COL14A1: variants seen among roughly 807,000 people sequenced by gnomAD.
COL14A1 encodes collagen alpha-1(XIV) chain.
COL14A1 carries 136 observed loss-of-function variants against 230.3 expected under a neutral mutation model. The observed-to-expected ratio is 0.59, with a 90% CI of 0.51 to 0.68. The LOEUF (loss-of-function observed/expected upper bound fraction) is 0.68, where lower values mean the gene tolerates loss of function less well. COL14A1 is among the 30% of genes least tolerant of loss of function. COL14A1 has a pLI of 0.00. For missense variants in COL14A1, 1,976 were observed against 2,215.8 expected, an observed-to-expected ratio of 0.89 and a Z score of 2.17; for synonymous variants, 792 against 784.1, an observed-to-expected ratio of 1.01 and a Z score of -0.17.
In COL14A1 at chr8:120,196,767, G is replaced by A. The variant is rs113064195; in HGVS notation, c.437-24G>A. The A allele has an allele frequency of 1.7e-5, 28 of 1,609,216 alleles. No homozygotes were observed. The East Asian group carries it at 3.1e-4, about 18-fold the overall frequency. ...AAGTTGCTCTGACAGTAACACATGC[G>A]CTTTTCTGGTTTGTGCTTTGCAGAA... On this transcript the variant is annotated intron_variant, in intron 5 of 47. Transcript: ENST00000297848.
At position 120,200,841 on chromosome 8, in the gene COL14A1, T is replaced by A. The variant is rs577285725; in HGVS notation, c.877+1275T>A. ...TACTAGTATGTAGCCAAGTACAGTC[T>A]AAGAACAGCTGCAGAAGCTGTGGAA... On this transcript the variant is annotated intron_variant, in intron 8 of 47. Coordinates refer to ENST00000297848, the MANE Select transcript of COL14A1 (RefSeq NM_021110.4). 2.0e-5 allele frequency among the ~76,000 whole-genome samples: 3 copies of A among 148,964 alleles called. No homozygotes were observed. The South Asian group carries it at 6.4e-4, about 32-fold the overall frequency.
At chr8:120,173,038 G>C (rs1452139832) in intron 5 of COL14A1, among the ~76,000 whole-genome samples, 2 of 152,150 alleles carry the variant, frequency 1.3e-5, no homozygotes, top group African/African-American at 4.8e-5. Flanking sequence ...AGTGTCTACT[G>C]ATTCTTGCCT....
Position 120,367,152 on chromosome 8 carries a change from TA to T in COL14A1, c.5078-14del. 6.4e-7 allele frequency: 1 copy of T among 1,555,656 alleles called. No homozygotes were observed. The highest frequency in any genetic ancestry group is 8.7e-7 in the Non-Finnish European group (1 of 1,155,620). ...TTTTAAAAAGAACTTTAAACATTTT[TA>T]AAAATTATTTTAAACAGGTCTAACT... is the stretch of plus-strand genomic sequence containing the variant. On this transcript the variant is annotated intron_variant, in intron 45 of 47. Transcript: ENST00000297848.
chr8:120,335,249 A>G (rs1309144543), intron 42 of COL14A1, among the ~76,000 whole-genome samples: 1 of 152,202 alleles, frequency 6.6e-6, no homozygotes, highest in Non-Finnish European at 1.5e-5. Context: ...CTCTAAATAT[A>G]GTATCTACAT....
rs532259702 is a variant in COL14A1 at position 120,178,072 on chromosome 8, G to GT, written c.436+9836dup. Among the ~76,000 whole-genome samples, 217 of 150,234 alleles carry GT rather than the reference G, an allele frequency of 1.4e-3. 3 individuals are homozygous for GT. The East Asian group carries it at 0.017, about 12-fold the overall frequency. ...TTCTCTGGAGTATTAAATAAAACCT[G>GT]TTTTTTTTTTTGTTTGTTTGTTTTT... On this transcript the variant is annotated intron_variant, in intron 5 of 47. Coordinates refer to ENST00000297848, the MANE Select transcript of COL14A1 (RefSeq NM_021110.4).
intron 9 of COL14A1, 52 bp downstream of exon 9, chr8:120,203,922 G>A: frequency 6.5e-7 from 1 of 1,533,560 alleles, no homozygotes; most frequent in Non-Finnish European, 8.9e-7. Flanking sequence ...TGGTGCACAA[G>A]CCTATTGTGA....
chr8:120,163,744 C>T (rs1031041711), intron 4 of COL14A1, among the ~76,000 whole-genome samples: 1 of 152,064 alleles, frequency 6.6e-6, no homozygotes, highest in Admixed American at 6.6e-5. Context: ...GCCTGGGCAA[C>T]AAGAGCAAAA....
intron 5 of COL14A1, among the ~76,000 whole-genome samples, chr8:120,186,714 A>G (rs574698240): frequency 6.6e-6 from 1 of 152,230 alleles, no homozygotes; most frequent in Non-Finnish European, 1.5e-5. Context: ...TTGAGCCATC[A>G]TGGCTCATTT....
intron 1 of COL14A1, among the ~76,000 whole-genome samples, chr8:120,145,369 A>C (rs1815052307): frequency 2.0e-5 from 3 of 152,250 alleles, no homozygotes; most frequent in Non-Finnish European, 4.4e-5. Context: ...CTGTAATCCC[A>C]GCACTTTGGG....
chr8:120,308,712 A>G (rs7010688), intron 36 of COL14A1, among the ~76,000 whole-genome samples: 99,928 of 152,166 alleles, frequency 0.66, 34,402 homozygotes, highest in African/African-American at 0.88. Flanking sequence ...GTGATACAGC[A>G]TTCTGCTAAT....
At chr8:120,195,816 G>A (rs2130706314) in intron 5 of COL14A1, among the ~76,000 whole-genome samples, 1 of 152,236 alleles carries the variant, frequency 6.6e-6, no homozygotes, top group South Asian at 2.1e-4. Context: ...GGGAATTATG[G>A]GAGCTACAGT....
intron 19 of COL14A1, 36 bp downstream of exon 19, chr8:120,231,654 A>T (rs201819676): frequency 6.2e-7 from 1 of 1,601,358 alleles, no homozygotes; most frequent in Non-Finnish European, 8.5e-7. Context: ...AACTCTGCAG[A>T]TGTTACTAAC....
chr8:120,342,334 G>A, intron 43 of COL14A1, 46 bp from the exon 44 acceptor site: 2 of 1,582,106 alleles, frequency 1.3e-6, no homozygotes, highest in Admixed American at 1.7e-5. Context: ...TGGTAGTGTG[G>A]CTGGGCTTGT....
rs555029043 is a variant in COL14A1, at chr8:120,355,621, C to G, written c.5077+10058C>G. ...AGAGACGGGGTTTCACCATGTAGGCCAGGCTAGTCTCGAACTCCTAACCTC... is the reference window on the plus strand; with the variant it reads ...AGAGACGGGGTTTCACCATGTAGGCGAGGCTAGTCTCGAACTCCTAACCTC... On this transcript the variant is annotated intron_variant, in intron 45 of 47. Coordinates refer to ENST00000297848, the MANE Select transcript of COL14A1 (RefSeq NM_021110.4). 7.2e-5 allele frequency among the ~76,000 whole-genome samples: 11 copies of G among 152,132 alleles called. No individual in the cohort carries two copies. In the East Asian group the frequency reaches 2.1e-3, roughly 29 times the overall value.
chr8:120,222,110 C>G (rs1817951072), intron 14 of COL14A1, among the ~76,000 whole-genome samples: 1 of 152,108 alleles, frequency 6.6e-6, no homozygotes, highest in Non-Finnish European at 1.5e-5. Flanking sequence ...TAGCTGTTTT[C>G]CCCTTGGGCA....
At chr8:120,313,347 G>A (rs1301582202) in intron 37 of COL14A1, among the ~76,000 whole-genome samples, 2 of 152,162 alleles carry the variant, frequency 1.3e-5, no homozygotes, top group Non-Finnish European at 2.9e-5. Flanking sequence ...GCAACAGAAT[G>A]AGACTCTGTC....
rs910688052 is a variant in COL14A1 at position 120,354,401 on chromosome 8, A to G, written c.5077+8838A>G. 2.2e-4 allele frequency among the ~76,000 whole-genome samples: 33 copies of G among 151,458 alleles called. 1 individual carries two copies. Among genetic ancestry groups the G allele is most frequent in the Admixed American group, 6.6e-4 (10 of 15,234 alleles). On this transcript the variant is annotated intron_variant, in intron 45 of 47. Transcript: ENST00000297848. Reference sequence around the variant, plus strand: ...AAACTTAAAGTATAATTAAAAAAAAAAAAAAAAAGAAAAACACTATCCCCA... The same window carrying G: ...AAACTTAAAGTATAATTAAAAAAAAGAAAAAAAAGAAAAACACTATCCCCA...
intron 5 of COL14A1, among the ~76,000 whole-genome samples, chr8:120,176,646 A>G (rs1238756353): frequency 6.6e-6 from 1 of 152,090 alleles, no homozygotes; most frequent in African/African-American, 2.4e-5. Context: ...AGGGAACTAG[A>G]TGGGTCTTGT....
intron 22 of COL14A1, among the ~76,000 whole-genome samples, chr8:120,252,292 G>A (rs1818996289): frequency 6.6e-6 from 1 of 152,028 alleles, no homozygotes; most frequent in Non-Finnish European, 1.5e-5. Flanking sequence ...CCCGTCACTG[G>A]AGCACTGTAT....
Sources: allele counts gnomAD v4.1 joint callset (sites outside exome capture counted in the v4.1 genomes callset), GRCh38; gene constraint gnomAD v4.1.1; transcripts MANE v1.5; gene names NCBI Gene and HGNC (gene_info 2026-07-23, HGNC 2026-07-21).